Variants in ARB2A observed in about 807,000 individuals in gnomAD.
ARB2A encodes the protein ARB2 cotranscriptional regulator A.
chr5:93,918,147 A>G, the ARB2A span, among the ~76,000 whole-genome samples: 3 of 152,174 alleles, frequency 2.0e-5, no homozygotes, highest in African/African-American at 7.2e-5. Flanking sequence ...CTGTTTTCTC[A>G]AACTGAACCA....
the ARB2A span, chr5:94,074,590 C>T: frequency 7.4e-7 from 1 of 1,346,242 alleles, no homozygotes; most frequent in Non-Finnish European, 1.0e-6. Context: ...CTAAATATTC[C>T]TACACCTTTA....
chr5:93,912,716 A>T, the ARB2A span, among the ~76,000 whole-genome samples: 1 of 152,018 alleles, frequency 6.6e-6, no homozygotes, highest in East Asian at 1.9e-4. Context: ...TAAAAAATTT[A>T]AAATTTCATA....
chr5:94,054,091 G>A, the ARB2A span, among the ~76,000 whole-genome samples: 2 of 152,134 alleles, frequency 1.3e-5, no homozygotes. Flanking sequence ...ATTTTAGATT[G>A]ATGGAAAAGT....
chr5:94,062,700 C>T, the ARB2A span, among the ~76,000 whole-genome samples: 1 of 152,142 alleles, frequency 6.6e-6, no homozygotes, highest in Non-Finnish European at 1.5e-5. Context: ...CAAGCAGCTA[C>T]GGTAAGGTGC....
the ARB2A span, among the ~76,000 whole-genome samples, chr5:93,903,683 A>G: frequency 1.3e-5 from 2 of 150,662 alleles, no homozygotes. Context: ...TCAACCATCA[A>G]CTGTTAAATT....
At chr5:94,096,749 G>A in the ARB2A span, among the ~76,000 whole-genome samples, 3 of 152,128 alleles carry the variant, frequency 2.0e-5, no homozygotes, top group Admixed American at 6.6e-5. Context: ...AAGATCACCA[G>A]TAAACTTCAA....
the ARB2A span, among the ~76,000 whole-genome samples, chr5:93,672,119 TCTAA>T: frequency 6.6e-6 from 1 of 152,146 alleles, no homozygotes; most frequent in Admixed American, 6.5e-5. Flanking sequence ...TTATCAGTCT[TCTAA>T]ATAACACAAC....
chr5:94,007,774 C>CA, the ARB2A span, among the ~76,000 whole-genome samples: 8,857 of 83,268 alleles, frequency 0.11, 352 homozygotes, highest in African/African-American at 0.15. Flanking sequence ...GACTCTGTCT[C>CA]AAAAAAAAAA....
the ARB2A span, among the ~76,000 whole-genome samples, chr5:93,901,936 T>G: frequency 0.87 from 132,919 of 152,026 alleles, 59,288 homozygotes; most frequent in East Asian, 1. Flanking sequence ...AAAAAACAGG[T>G]AAAATTAACA....
chr5:93,967,797 T>G, the ARB2A span, among the ~76,000 whole-genome samples: 1 of 152,234 alleles, frequency 6.6e-6, no homozygotes, highest in Middle Eastern at 3.4e-3. Context: ...CTAGCTGACC[T>G]GGCAGAAAGG....
chr5:93,976,533 A>G, the ARB2A span, among the ~76,000 whole-genome samples: 1 of 152,170 alleles, frequency 6.6e-6, no homozygotes, highest in Non-Finnish European at 1.5e-5. Context: ...CATTATGGGG[A>G]CAGTTTCCCC....
At chr5:94,068,778 T>C in the ARB2A span, among the ~76,000 whole-genome samples, 3 of 148,570 alleles carry the variant, frequency 2.0e-5, no homozygotes, top group Non-Finnish European at 3.0e-5. Flanking sequence ...GAAATCCAGC[T>C]AGTCCTGTCT....
At chr5:93,684,357 C>T in the ARB2A span, among the ~76,000 whole-genome samples, 3 of 152,270 alleles carry the variant, frequency 2.0e-5, no homozygotes, top group South Asian at 2.1e-4. Context: ...CATATTGTTA[C>T]GTGAGGATTA....
the ARB2A span, chr5:93,619,494 G>T: frequency 6.6e-6 from 1 of 152,150 alleles, no homozygotes; most frequent in African/African-American, 2.4e-5. Context: ...TTGATTTTAA[G>T]TTACTTTTCT....
chr5:94,064,053 A>C, the ARB2A span, among the ~76,000 whole-genome samples: 10 of 152,156 alleles, frequency 6.6e-5, no homozygotes, highest in Non-Finnish European at 1.3e-4. Flanking sequence ...ATTTTAAAGA[A>C]GCTCAGTAAG....
At chr5:93,862,220 C>G in the ARB2A span, 1 of 152,170 alleles carries the variant, frequency 6.6e-6, no homozygotes, top group Non-Finnish European at 1.5e-5. Flanking sequence ...CTACACATTT[C>G]TTGTTAATAA....
chr5:93,768,542 C>A, the ARB2A span, among the ~76,000 whole-genome samples: 2 of 149,398 alleles, frequency 1.3e-5, no homozygotes, highest in Non-Finnish European at 3.0e-5. Context: ...CTATATATAG[C>A]GTATACATTT....
At chr5:93,621,565 G>T in the ARB2A span, among the ~76,000 whole-genome samples, 1 of 152,218 alleles carries the variant, frequency 6.6e-6, no homozygotes, top group Admixed American at 6.5e-5. Flanking sequence ...TCTCCCTCCG[G>T]GAAACCACCC....
At chr5:93,771,292 AC>A in the ARB2A span, among the ~76,000 whole-genome samples, 1 of 151,966 alleles carries the variant, frequency 6.6e-6, no homozygotes, top group Non-Finnish European at 1.5e-5. Context: ...TACACCTTAT[AC>A]AAAAATTAAG....
Sources: allele counts gnomAD v4.1 joint callset (sites outside exome capture counted in the v4.1 genomes callset), GRCh38; gene constraint gnomAD v4.1.1; transcripts MANE v1.5; gene names NCBI Gene and HGNC (gene_info 2026-07-23, HGNC 2026-07-21).